The following KMO variants were observed in gnomAD, a reference collection of about 807,000 sequenced individuals.
KMO encodes the protein kynurenine 3-monooxygenase.
KMO carries 24 observed loss-of-function variants against 57.8 expected under a neutral mutation model. The observed-to-expected ratio is 0.42, with a 90% CI of 0.30 to 0.58. KMO has a LOEUF of 0.58. Ranked by LOEUF, KMO falls within the 20% of genes least tolerant of loss-of-function variation. The pLI is 0.22. For missense variants in KMO, 483 were observed against 588.2 expected, an observed-to-expected ratio of 0.82 and a Z score of 1.85; for synonymous variants, 210 against 193.6, an observed-to-expected ratio of 1.08 and a Z score of -0.70.
At chr1:241,584,664 T>C (rs1035982708) in intron 10 of KMO, among the ~76,000 whole-genome samples, 1 of 152,232 alleles carries the variant, frequency 6.6e-6, no homozygotes. Context: ...TGTGCACTAA[T>C]AGCTTCATAA....
rs1660611896 is a variant in KMO at position 241,532,465 on chromosome 1, A to C, written c.21A>C (p.Gln7His). The change falls in exon 1 of 15, where the codon CAA becomes CAC. Residue 7 changes from glutamine (Q) to histidine (H), a missense_variant. Physicochemically the swap from Gln to His is conservative, Grantham distance 24. Around this residue, in one of 3 missense-constraint regions of KMO, gnomAD observed 70 missense variants for 78.4 expected, o/e 0.89. Transcript: ENST00000366559. MDSSVI[Q>H]RKKVAVIGGG... is the part of the protein sequence containing the mutation. Reference sequence around the variant, plus strand: ...CAGTTATGGACTCATCTGTCATTCAAAGGAAAAAAGTAGCTGTCATTGGTG... The same window carrying C: ...CAGTTATGGACTCATCTGTCATTCACAGGAAAAAAGTAGCTGTCATTGGTG... 1 of 1,610,812 alleles carries C rather than the reference A, an allele frequency of 6.2e-7. No homozygotes were observed. The highest frequency in any genetic ancestry group is 8.5e-7 in the Non-Finnish European group (1 of 1,179,304).
chr1:241,592,548 T>C lies in KMO; in HGVS notation c.*395T>C, dbSNP rs1181587169. ...ACTAAAAATCACAACTTAACTAGCA[T>C]GTTAACTGCACTTTTCATTACGTGA... On this transcript the variant is annotated 3_prime_UTR_variant, in exon 15 of 15. Coordinates refer to ENST00000366559, the MANE Select transcript of KMO (RefSeq NM_003679.5). 1 of 187,886 alleles carries C rather than the reference T, an allele frequency of 5.3e-6. No homozygotes were observed. Among genetic ancestry groups the C allele is most frequent in the African/African-American group, 2.4e-5 (1 of 41,998 alleles). 11.6% of individuals were successfully genotyped at this position (187,886 alleles called of 1,614,324 possible).
intron 10 of KMO, among the ~76,000 whole-genome samples, chr1:241,569,324 A>G (rs1317420239): frequency 5.3e-5 from 8 of 151,162 alleles, no homozygotes; most frequent in Admixed American, 5.3e-4. Context: ...CTTCCACCCT[A>G]CTACCATTCC....
At chr1:241,545,646 G>A (rs1661119634) in intron 1 of KMO, among the ~76,000 whole-genome samples, 1 of 152,128 alleles carries the variant, frequency 6.6e-6, no homozygotes, top group South Asian at 2.1e-4. Context: ...TCCAAATAAT[G>A]TCACATTCTT....
chr1:241,549,218 A>G (rs1212072301), intron 2 of KMO, among the ~76,000 whole-genome samples: 5 of 7,496 alleles, frequency 6.7e-4, no homozygotes, highest in African/African-American at 8.8e-4. Context: ...AGAAAGAAAG[A>G]AAGAAAGAAA....
chr1:241,549,264 A>AGTC (rs779503814), intron 2 of KMO, among the ~76,000 whole-genome samples: 2 of 135,836 alleles, frequency 1.5e-5, no homozygotes, highest in African/African-American at 2.7e-5. Flanking sequence ...AAAGAAAGAA[A>AGTC]GAAAGGAAGG....
chr1:241,562,085 A>G (rs1661864206), intron 6 of KMO, 82 bp from the exon 7 acceptor site: 1 of 1,177,536 alleles, frequency 8.5e-7, no homozygotes, highest in South Asian at 1.4e-5. Context: ...CTATGGAGCC[A>G]CTACTTCTCA....
chr1:241,579,442 A>G (rs1662667416), intron 10 of KMO, among the ~76,000 whole-genome samples: 1 of 151,996 alleles, frequency 6.6e-6, no homozygotes, highest in South Asian at 2.1e-4. Context: ...GGGCCAGGAG[A>G]CAGTTTTCTG....
At chr1:241,583,830 A>G (rs1049876335) in intron 10 of KMO, among the ~76,000 whole-genome samples, 17 of 152,160 alleles carry the variant, frequency 1.1e-4, no homozygotes, top group Non-Finnish European at 2.2e-4. Context: ...GTTAGAAAAA[A>G]TGTACCAATA....
At chr1:241,541,698 T>A (rs552462610) in intron 1 of KMO, among the ~76,000 whole-genome samples, 2 of 152,216 alleles carry the variant, frequency 1.3e-5, no homozygotes, top group African/African-American at 4.8e-5. Context: ...GCATAACATA[T>A]GCAATTCTGG....
At chr1:241,570,893 T>C (rs1352611838) in intron 10 of KMO, among the ~76,000 whole-genome samples, 4 of 152,172 alleles carry the variant, frequency 2.6e-5, no homozygotes, top group Non-Finnish European at 5.9e-5. Context: ...ATTTTAACAA[T>C]ATTGATCCTT....
chr1:241,553,787 A>G (rs1405702655), intron 4 of KMO, among the ~76,000 whole-genome samples: 2 of 152,236 alleles, frequency 1.3e-5, no homozygotes, highest in African/African-American at 4.8e-5. Context: ...AATACAGTCT[A>G]TTAATAACCT....
chr1:241,555,715 A>T, intron 5 of KMO, 55 bp downstream of exon 5: 1 of 1,022,666 alleles, frequency 9.8e-7, no homozygotes. Context: ...ACATGACACT[A>T]ATCTTGTCAT....
Position 241,568,872 on chromosome 1 carries a change from T to C in KMO, c.957+225T>C, listed in dbSNP as rs539293509. Among the ~76,000 whole-genome samples the C allele has an allele frequency of 7.9e-5, 12 of 152,234 alleles. No individual in the cohort carries two copies. The East Asian group carries it at 2.3e-3, about 29-fold the overall frequency. On this transcript the variant is annotated intron_variant, in intron 10 of 14. Transcript: ENST00000366559. The stretch of plus-strand genomic sequence containing the variant: ...GAAAAAAGCAGAAAGCATAGCGCAC[T>C]CATCCCTTGGTATCACCAAGGGATC...
chr1:241,542,494 A>C (rs1355175736), intron 1 of KMO, among the ~76,000 whole-genome samples: 1 of 152,248 alleles, frequency 6.6e-6, no homozygotes, highest in East Asian at 1.9e-4. Context: ...ATTCATAAAA[A>C]TGTTTAATTT....
At chr1:241,587,879 G>C (rs1319732827) in intron 11 of KMO, among the ~76,000 whole-genome samples, 2 of 151,970 alleles carry the variant, frequency 1.3e-5, no homozygotes, top group Non-Finnish European at 2.9e-5. Context: ...GTGGATGGAG[G>C]GTTTGTATAT....
Position 241,593,725 on chromosome 1 carries a change from C to T in KMO, c.*1572C>T, listed in dbSNP as rs1003283504. 5 of 155,008 alleles carry T rather than the reference C, an allele frequency of 3.2e-5. No homozygotes were observed. The highest frequency in any genetic ancestry group is 1.2e-4 in the African/African-American group (5 of 41,364). The allele number at this position is 155,008 out of a possible 1,614,324, so 9.6% of individuals were successfully genotyped here. A position where few individuals can be genotyped will look rare whatever the true frequency, so the allele number is the denominator to read the frequency against. ...TAGAACTCCCTGGCTTATATAGCAT[C>T]GACAAAGAACAGTAAATTTTTAGAG... On this transcript the variant is annotated 3_prime_UTR_variant, in exon 15 of 15. Transcript: ENST00000366559.
intron 1 of KMO, among the ~76,000 whole-genome samples, chr1:241,543,569 CTA>C (rs1661032348): frequency 6.6e-6 from 1 of 152,146 alleles, no homozygotes; most frequent in Admixed American, 6.6e-5. Context: ...ATGAAAGGCA[CTA>C]CACTGAACAA....
At chr1:241,560,423 G>T (rs962017223) in intron 5 of KMO, among the ~76,000 whole-genome samples, 1 of 152,186 alleles carries the variant, frequency 6.6e-6, no homozygotes, top group South Asian at 2.1e-4. Context: ...AATGGAATCA[G>T]TTGGATGTTT....
Sources: allele counts gnomAD v4.1 joint callset (sites outside exome capture counted in the v4.1 genomes callset), GRCh38; gene constraint gnomAD v4.1.1; regional missense constraint gnomAD v4.1.1; transcripts MANE v1.5; gene names NCBI Gene and HGNC (gene_info 2026-07-23, HGNC 2026-07-21).